Variants in CIDEA observed in about 807,000 individuals in gnomAD.
CIDEA encodes the protein lipid transferase CIDEA.
CIDEA carries 10 observed loss-of-function variants against 18.2 expected under a neutral mutation model. The observed-to-expected ratio is 0.55, with a 90% CI of 0.34 to 0.93. The LOEUF (loss-of-function observed/expected upper bound fraction) is 0.93. Among genes scored for constraint, CIDEA ranks in the 40% least tolerant of loss-of-function variants. The probability of loss-of-function intolerance (pLI) is 0.02; values close to 1 mark genes in which losing one functional copy is unlikely to be tolerated. For missense variants in CIDEA, 309 were observed against 293.1 expected (o/e 1.05, Z -0.40); for synonymous variants, 128 against 124.8 (o/e 1.03, Z -0.17).
intron 3 of CIDEA, among the ~76,000 whole-genome samples, chr18:12,266,265 G>A (rs56084131): frequency 0.047 from 7,067 of 151,852 alleles, 224 homozygotes; most frequent in Non-Finnish European, 0.073. Context: ...ACCAGCCTGA[G>A]CAACATGGCA....
At chr18:12,273,264 C>T (rs571089839) in intron 3 of CIDEA, among the ~76,000 whole-genome samples, 80 of 152,124 alleles carry the variant, frequency 5.3e-4, no homozygotes, top group African/African-American at 1.8e-3. Context: ...ACAGCTTCAG[C>T]GGCTCCCAAC....
chr18:12,276,993 C>T, intron 4 of CIDEA, 130 bp from the exon 5 acceptor site: 2 of 990,908 alleles, frequency 2.0e-6, no homozygotes, highest in Non-Finnish European at 3.1e-6. Context: ...AGTCAGACAG[C>T]CATGCTCTAA....
intron 1 of CIDEA, among the ~76,000 whole-genome samples, chr18:12,261,849 G>A (rs1429366532): frequency 1.3e-5 from 2 of 151,486 alleles, no homozygotes; most frequent in East Asian, 2.0e-4. Context: ...CCAAAGCACT[G>A]GAATTACAGG....
At chr18:12,276,938 A>G (rs1905354826) in intron 4 of CIDEA, among the ~76,000 whole-genome samples, 185 bp from the exon 5 acceptor site, 1 of 152,222 alleles carries the variant, frequency 6.6e-6, no homozygotes, top group African/African-American at 2.4e-5. Flanking sequence ...ACCCACTGCC[A>G]CGGCAGCTGC....
intron 3 of CIDEA, among the ~76,000 whole-genome samples, chr18:12,272,163 T>TGGGGGGGG (rs1568105900): frequency 3.9e-5 from 1 of 25,532 alleles, no homozygotes; most frequent in African/African-American, 1.3e-4. Flanking sequence ...GGGGGGGGGT[T>TGGGGGGGG]GGGGGGGGGT....
rs147817564 is a variant in CIDEA, at chr18:12,277,261, G to A, written c.651G>A (p.Thr217=). ...SLRSQAKGRF[T]CG ...GGTCACAAGCCAAGGGCAGGTTCAC[G>A]TGTGGATAGGGATGCAGGCTGTCGC... The change falls in exon 5 of 5, where the codon ACG becomes ACA. Residue 217 remains threonine, a synonymous_variant. Coordinates refer to ENST00000320477, the MANE Select transcript of CIDEA (RefSeq NM_001279.4). The A allele has an allele frequency of 3.5e-5, 57 of 1,614,086 alleles. No individual in the cohort carries two copies. The highest frequency in any genetic ancestry group is 2.9e-4 in the African/African-American group (22 of 75,002).
chr18:12,258,689 C>T (rs80156850), intron 1 of CIDEA, among the ~76,000 whole-genome samples: 1 of 152,210 alleles, frequency 6.6e-6, no homozygotes, highest in East Asian at 1.9e-4. Context: ...GGATTCAGAC[C>T]CTGGTCTAGC....
At chr18:12,267,863 G>A (rs561787323) in intron 3 of CIDEA, among the ~76,000 whole-genome samples, 83 of 152,138 alleles carry the variant, frequency 5.5e-4, no homozygotes, top group African/African-American at 2.0e-3. Flanking sequence ...GTCCCTTGGG[G>A]GACATTTGTT....
intron 1 of CIDEA, 25 bp downstream of exon 1, chr18:12,254,446 T>G: frequency 6.3e-7 from 1 of 1,597,312 alleles, no homozygotes; most frequent in Non-Finnish European, 8.5e-7. Flanking sequence ...TCCCCCTGAT[T>G]GCCGTGCGCT....
chr18:12,269,185 G>A (rs1241577539), intron 3 of CIDEA, among the ~76,000 whole-genome samples: 1 of 152,112 alleles, frequency 6.6e-6, no homozygotes, highest in Non-Finnish European at 1.5e-5. Flanking sequence ...ATGGAGGAAC[G>A]GCATTTTTTA....
chr18:12,262,296 G>C (rs1317286208), intron 1 of CIDEA, among the ~76,000 whole-genome samples: 1 of 152,148 alleles, frequency 6.6e-6, no homozygotes, highest in Non-Finnish European at 1.5e-5. Flanking sequence ...TTCTAAGGGT[G>C]GTTCTGCTGT....
At chr18:12,261,306 C>T (rs1325763014) in intron 1 of CIDEA, among the ~76,000 whole-genome samples, 2 of 152,042 alleles carry the variant, frequency 1.3e-5, no homozygotes, top group Admixed American at 1.3e-4. Context: ...ATTGCTTGAA[C>T]CCAGGAGGCG....
At chr18:12,271,883 CG>C in intron 3 of CIDEA, among the ~76,000 whole-genome samples, 1 of 152,200 alleles carries the variant, frequency 6.6e-6, no homozygotes, top group Non-Finnish European at 1.5e-5. Context: ...CCGCAGCCCC[CG>C]CCCGGCGAGG....
chr18:12,263,724 A>G (rs950100052), intron 2 of CIDEA: 2 of 152,234 alleles, frequency 1.3e-5, no homozygotes, highest in African/African-American at 4.8e-5. Context: ...CATAACTCAG[A>G]CTCAGGCACC....
intron 3 of CIDEA, among the ~76,000 whole-genome samples, chr18:12,272,051 C>G (rs944668335): frequency 4.0e-5 from 6 of 150,078 alleles, no homozygotes; most frequent in Middle Eastern, 3.4e-3. Context: ...ATGCCAGGAT[C>G]TGAGCTTTCC....
chr18:12,267,766 A>T (rs1187087544), intron 3 of CIDEA, among the ~76,000 whole-genome samples: 1 of 152,208 alleles, frequency 6.6e-6, no homozygotes, highest in South Asian at 2.1e-4. Context: ...AAGTGCTGGG[A>T]TTACAGGCAT....
At chr18:12,265,933 A>G (rs748175118) in intron 3 of CIDEA, among the ~76,000 whole-genome samples, 5 of 152,228 alleles carry the variant, frequency 3.3e-5, no homozygotes, top group African/African-American at 1.2e-4. Flanking sequence ...ATGCTCACCC[A>G]TGGCTAAGTT....
chr18:12,254,845 C>G (rs138347761), intron 1 of CIDEA: 2 of 1,335,628 alleles, frequency 1.5e-6, no homozygotes, highest in African/African-American at 3.0e-5. Flanking sequence ...TCTGGGGGTC[C>G]TGGAAATCAC....
intron 4 of CIDEA, among the ~76,000 whole-genome samples, chr18:12,275,627 C>G (rs915753620): frequency 1.3e-5 from 2 of 152,174 alleles, no homozygotes; most frequent in African/African-American, 4.8e-5. Context: ...TTCCGTCCCC[C>G]GTGGCCTTGA....
Sources: gnomAD v4.1 joint callset for allele counts (sites outside exome capture counted in the v4.1 genomes callset) on GRCh38, gnomAD v4.1.1 for gene constraint, MANE v1.5 for transcripts, NCBI Gene and HGNC (gene_info 2026-07-23, HGNC 2026-07-21) for gene names.